RAB11FIP4: variants seen among roughly 807,000 people sequenced by gnomAD.
The protein encoded by RAB11FIP4 is RAB11 family interacting protein 4, also known as rab11 family-interacting protein 4.
In RAB11FIP4, 23 loss-of-function variants were observed where a neutral mutation model predicts 74.3. The observed-to-expected ratio is 0.31, with a 90% CI of 0.22 to 0.44. The LOEUF (loss-of-function observed/expected upper bound fraction) is 0.44, where lower values mean the gene tolerates loss of function less well. Among genes scored for constraint, RAB11FIP4 ranks in the 20% least tolerant of loss-of-function variants. The pLI is 1.00. For synonymous variants in RAB11FIP4, 360 were observed against 359.9 expected (o/e 1.00, Z 0.00); for missense variants, 630 against 863.9 (o/e 0.73, Z 3.39).
At chr17:31,509,186 A>G (rs1008921848) in intron 3 of RAB11FIP4, 3 of 152,534 alleles carry the variant, frequency 2.0e-5, no homozygotes, top group Non-Finnish European at 4.4e-5. Flanking sequence ...AAACCAGCAC[A>G]GGAAACGTGG....
chr17:31,522,570 G>A (rs1292087638), intron 7 of RAB11FIP4, 175 bp downstream of exon 7: 2 of 615,680 alleles, frequency 3.2e-6, no homozygotes, highest in East Asian at 2.8e-5. Flanking sequence ...CTGAAAAAGA[G>A]GGGCCAGCTC....
intron 1 of RAB11FIP4, among the ~76,000 whole-genome samples, chr17:31,409,685 A>G (rs1264911564): frequency 6.6e-6 from 1 of 152,208 alleles, no homozygotes; most frequent in South Asian, 2.1e-4. Context: ...GCATGAGGAC[A>G]GATGCTGGGT....
rs1237589209 is a variant in RAB11FIP4, at chr17:31,466,059, G to A, written c.336+31937G>A. On this transcript the variant is annotated intron_variant, in intron 3 of 14. Coordinates refer to ENST00000621161, the MANE Select transcript of RAB11FIP4 (RefSeq NM_032932.6). ...CTCGGGAGGGCGAGACAGGAGAATC[G>A]CTTGAACCCGGGAGGCGGAGGTTGC... 5.3e-5 allele frequency among the ~76,000 whole-genome samples: 8 copies of A among 151,654 alleles called. No individual in the cohort carries two copies. The South Asian group carries it at 1.0e-3, about 20-fold the overall frequency.
intron 3 of RAB11FIP4, among the ~76,000 whole-genome samples, chr17:31,501,954 G>A (rs1004060665): frequency 4.6e-5 from 7 of 152,104 alleles, no homozygotes; most frequent in African/African-American, 7.2e-5. Context: ...AGTGGCTCAC[G>A]GTGGCCTGTA....
intron 3 of RAB11FIP4, among the ~76,000 whole-genome samples, chr17:31,491,333 C>A (rs544344567): frequency 6.6e-6 from 1 of 152,356 alleles, no homozygotes; most frequent in East Asian, 1.9e-4. Flanking sequence ...AGATTCTGTG[C>A]TGGGCACTGG....
At chr17:31,444,797 A>G (rs1223352777) in intron 3 of RAB11FIP4, among the ~76,000 whole-genome samples, 1 of 152,200 alleles carries the variant, frequency 6.6e-6, no homozygotes, top group Admixed American at 6.5e-5. Context: ...CCACCTTCGT[A>G]TATACCTTTC....
At chr17:31,489,127 C>G (rs2071958605) in intron 3 of RAB11FIP4, among the ~76,000 whole-genome samples, 1 of 152,326 alleles carries the variant, frequency 6.6e-6, no homozygotes, top group East Asian at 1.9e-4. Flanking sequence ...AGGTCTGGGT[C>G]CTGTCTCTGC....
At chr17:31,431,947 C>A in intron 2 of RAB11FIP4, 47 bp downstream of exon 2, 1 of 1,411,940 alleles carries the variant, frequency 7.1e-7, no homozygotes. Flanking sequence ...CGGTCCTGCC[C>A]AGCTGGGGAA....
chr17:31,402,822 T>C, intron 1 of RAB11FIP4, among the ~76,000 whole-genome samples: 1 of 151,756 alleles, frequency 6.6e-6, no homozygotes, highest in Non-Finnish European at 1.5e-5. Flanking sequence ...AGACGGGGTT[T>C]CACCGTGTTA....
At chr17:31,404,217 C>G (rs1026599072) in intron 1 of RAB11FIP4, among the ~76,000 whole-genome samples, 1 of 152,234 alleles carries the variant, frequency 6.6e-6, no homozygotes, top group Admixed American at 6.5e-5. Flanking sequence ...CCACACACTC[C>G]TGTTCCTGCA....
At chr17:31,503,597 A>G (rs1221382912) in intron 3 of RAB11FIP4, among the ~76,000 whole-genome samples, 2 of 149,580 alleles carry the variant, frequency 1.3e-5, no homozygotes, top group East Asian at 1.9e-4. Context: ...CACCTGCTCT[A>G]TTTGGAAACA....
chr17:31,403,332 T>C (rs9891943), intron 1 of RAB11FIP4, among the ~76,000 whole-genome samples: 34,331 of 151,408 alleles, frequency 0.23, 3,984 homozygotes, highest in East Asian at 0.3. Context: ...TTCTTTCTTT[T>C]TTTTTTTTGA....
chr17:31,410,586 C>T (rs998323448), intron 1 of RAB11FIP4, among the ~76,000 whole-genome samples: 1 of 151,872 alleles, frequency 6.6e-6, no homozygotes, highest in Non-Finnish European at 1.5e-5. Context: ...TGGTGGTGCG[C>T]ACCTGTAGTC....
chr17:31,421,857 G>A (rs536540017), intron 1 of RAB11FIP4, among the ~76,000 whole-genome samples: 20 of 151,712 alleles, frequency 1.3e-4, no homozygotes, highest in Non-Finnish European at 2.1e-4. Flanking sequence ...CACCACGCCC[G>A]GCAAGACATA....
rs1226637609 is a variant in RAB11FIP4, at chr17:31,469,464, A to C, written c.336+35342A>C. Among the ~76,000 whole-genome samples the C allele has an allele frequency of 2.0e-5, 3 of 151,968 alleles. No individual in the cohort carries two copies. The East Asian group carries it at 5.8e-4, about 29-fold the overall frequency. On this transcript the variant is annotated intron_variant, in intron 3 of 14. Coordinates refer to ENST00000621161, the MANE Select transcript of RAB11FIP4 (RefSeq NM_032932.6). ...ATGAGATCTTGTCTCCACAAAAATA[A>C]ATTTTAAAAAAAATGAGCTAGGCAT...
At chr17:31,495,828 T>C (rs1597955109) in intron 3 of RAB11FIP4, among the ~76,000 whole-genome samples, 1 of 152,230 alleles carries the variant, frequency 6.6e-6, no homozygotes, top group African/African-American at 2.4e-5. Context: ...CTCATGTGCT[T>C]GTGTGGAGTT....
intron 3 of RAB11FIP4, among the ~76,000 whole-genome samples, chr17:31,441,035 G>GT (rs898875688): frequency 6.6e-6 from 1 of 151,884 alleles, no homozygotes; most frequent in Non-Finnish European, 1.5e-5. Flanking sequence ...GGTTTTTTGG[G>GT]TTTTTTGAGA....
intron 3 of RAB11FIP4, among the ~76,000 whole-genome samples, chr17:31,492,210 C>T (rs2072022451): frequency 6.6e-6 from 1 of 152,234 alleles, no homozygotes; most frequent in South Asian, 2.1e-4. Flanking sequence ...CTCTTCACTC[C>T]CTCTGCCTGT....
chr17:31,491,027 G>A (rs372957915), intron 3 of RAB11FIP4, among the ~76,000 whole-genome samples: 3 of 152,218 alleles, frequency 2.0e-5, no homozygotes, highest in Non-Finnish European at 4.4e-5. Context: ...CACTGGCCTC[G>A]AAGATCAATG....
Sources: gnomAD v4.1 joint callset for allele counts (sites outside exome capture counted in the v4.1 genomes callset) on GRCh38, gnomAD v4.1.1 for gene constraint, MANE v1.5 for transcripts, NCBI Gene and HGNC (gene_info 2026-07-23, HGNC 2026-07-21) for gene names.